FANCB: variants seen among roughly 807,000 people sequenced by gnomAD.
FANCB encodes FA complementation group B, also known as Fanconi anemia group B protein.
A neutral mutation model predicts 38.9 loss-of-function variants in FANCB; 5 were observed. The observed-to-expected ratio is 0.13, with a 90% CI of 0.07 to 0.27. FANCB has a LOEUF of 0.27. Ranked by LOEUF, FANCB falls within the 10% of genes least tolerant of loss-of-function variation. FANCB has a pLI of 1.00. For missense variants in FANCB, 573 were observed against 602.7 expected (o/e 0.95, Z 0.52); for synonymous variants, 236 against 215.4 (o/e 1.10, Z -0.84).
the FANCB span, among the ~76,000 whole-genome samples, chrX:14,797,715 GAAAT>G: frequency 9.4e-6 from 1 of 106,740 alleles, no homozygotes; most frequent in African/African-American, 3.4e-5. Context: ...GAGAGAGAAA[GAAAT>G]AAGTCATTAA....
chrX:14,834,982 G>A (rs1327245876), downstream of FANCB: 1 of 675,377 alleles, frequency 1.5e-6, no homozygotes, highest in African/African-American at 2.1e-5. Context: ...ACTAAGTGCT[G>A]TCCACTAATA....
the FANCB span, among the ~76,000 whole-genome samples, chrX:14,811,070 T>A: frequency 2.5e-4 from 28 of 110,868 alleles, no homozygotes; most frequent in African/African-American, 8.9e-4. Context: ...CAAAGTAAGC[T>A]TCATAAGTGA....
the FANCB span, among the ~76,000 whole-genome samples, chrX:14,695,502 C>T: frequency 2.7e-5 from 3 of 112,101 alleles, no homozygotes; most frequent in Non-Finnish European, 5.6e-5. Flanking sequence ...TACATGGAGA[C>T]AACTATTTCA....
chrX:14,846,165 GAGACAGAAGATAC>G (rs1191988304), intron 7 of FANCB, among the ~76,000 whole-genome samples: 9 of 111,275 alleles, frequency 8.1e-5, no homozygotes, highest in African/African-American at 2.9e-4. Context: ...ATCAATAGCG[GAGACAGAAGATAC>G]AGAAAGAAGA....
At chrX:14,719,631 G>A in the FANCB span, among the ~76,000 whole-genome samples, 6 of 111,777 alleles carry the variant, frequency 5.4e-5, no homozygotes, top group Non-Finnish European at 7.5e-5. Context: ...CAGCCATTAT[G>A]GAAAACAGTA....
chrX:14,693,517 C>A, the FANCB span, among the ~76,000 whole-genome samples: 1 of 111,782 alleles, frequency 8.9e-6, no homozygotes, highest in East Asian at 2.8e-4. Flanking sequence ...AACTCACACT[C>A]ATAGTGAGGA....
At chrX:14,742,709 C>T in the FANCB span, among the ~76,000 whole-genome samples, 30 of 112,124 alleles carry the variant, frequency 2.7e-4, no homozygotes, top group African/African-American at 8.7e-4. Context: ...TAAATCATTG[C>T]CTAAACATCA....
the FANCB span, among the ~76,000 whole-genome samples, chrX:14,753,535 G>A: frequency 9.0e-6 from 1 of 111,544 alleles, no homozygotes; most frequent in Non-Finnish European, 1.9e-5. Context: ...TTCTGGTTGG[G>A]CCAGGTTGGC....
At chrX:14,734,773 A>C in the FANCB span, among the ~76,000 whole-genome samples, 1 of 109,543 alleles carries the variant, frequency 9.1e-6, no homozygotes, top group African/African-American at 3.3e-5. Context: ...TTGGCCTGTC[A>C]TGCTAGATTG....
chrX:14,712,167 T>C, the FANCB span, among the ~76,000 whole-genome samples: 1 of 112,970 alleles, frequency 8.9e-6, no homozygotes, highest in Non-Finnish European at 1.9e-5. Context: ...CATTTGTCTG[T>C]ATCAGGGTTT....
chrX:14,760,832 G>C, the FANCB span, among the ~76,000 whole-genome samples: 5 of 110,826 alleles, frequency 4.5e-5, no homozygotes, highest in Admixed American at 1.9e-4. Context: ...TTAGCTGGGT[G>C]TGGTGGCGTG....
chrX:14,694,860 ATGAAT>A, the FANCB span, among the ~76,000 whole-genome samples: 3 of 111,978 alleles, frequency 2.7e-5, no homozygotes, highest in African/African-American at 9.7e-5. Flanking sequence ...AGATGAGAAG[ATGAAT>A]TGAATATGAC....
intron 3 of FANCB, 82 bp from the exon 4 acceptor site, chrX:14,859,416 T>A: frequency 4.3e-6 from 3 of 692,144 alleles, no homozygotes; most frequent in Non-Finnish European, 6.8e-6. Context: ...TTTTGTTTCA[T>A]GTAGTTGTCA....
the FANCB span, among the ~76,000 whole-genome samples, chrX:14,827,598 C>T: frequency 1.8e-5 from 2 of 111,798 alleles, no homozygotes; most frequent in Admixed American, 9.5e-5. Flanking sequence ...CAGTGATGAA[C>T]CAGAATTACT....
At chrX:14,863,849 A>C (rs1313358442) in intron 3 of FANCB, among the ~76,000 whole-genome samples, 1 of 112,371 alleles carries the variant, frequency 8.9e-6, no homozygotes, top group Non-Finnish European at 1.9e-5. Context: ...ATGTTTAAAA[A>C]GTTGGCCGGG....
At chrX:14,812,256 T>C in the FANCB span, among the ~76,000 whole-genome samples, 1 of 110,169 alleles carries the variant, frequency 9.1e-6, no homozygotes, top group East Asian at 2.8e-4. Flanking sequence ...GTAAAAGAAC[T>C]AGAAAAGCAA....
chrX:14,701,956 G>C, the FANCB span, among the ~76,000 whole-genome samples: 2 of 112,055 alleles, frequency 1.8e-5, no homozygotes, highest in South Asian at 3.7e-4. Context: ...CTGTGGGAAA[G>C]GTTTAAGTGC....
downstream of FANCB, chrX:14,835,362 G>C (rs1181411756): frequency 4.9e-6 from 2 of 409,189 alleles, no homozygotes; most frequent in Non-Finnish European, 9.1e-6. Context: ...AAGGTGGACA[G>C]AGATAAACGA....
At chrX:14,773,177 G>A in the FANCB span, among the ~76,000 whole-genome samples, 3 of 112,037 alleles carry the variant, frequency 2.7e-5, no homozygotes, top group African/African-American at 3.2e-5. Context: ...ATTTAGTACC[G>A]CATATAGAAA....
Sources: gnomAD v4.1 joint callset for allele counts (sites outside exome capture counted in the v4.1 genomes callset) on GRCh38, gnomAD v4.1.1 for gene constraint, MANE v1.5 for transcripts, NCBI Gene and HGNC (gene_info 2026-07-23, HGNC 2026-07-21) for gene names.